Variants in PRTG observed in about 807,000 individuals in gnomAD.
PRTG encodes the protein immunoglobulin superfamily, DCC subclass, member 5.
Under a neutral mutation model 122.5 loss-of-function variants are expected in PRTG, and 67 were observed. That is an observed-to-expected ratio of 0.55 (90% CI 0.45 to 0.67). The LOEUF (loss-of-function observed/expected upper bound fraction) is 0.67, where lower values mean the gene tolerates loss of function less well. PRTG is among the 30% of genes least tolerant of loss of function. PRTG has a pLI of 0.00. For synonymous variants in PRTG, 554 were observed against 501.1 expected (o/e 1.11, Z -1.41); for missense variants, 1,435 against 1,415.4 (o/e 1.01, Z -0.22).
At chr15:55,620,855 A>G (rs1316595251) in intron 18 of PRTG, 88 bp from the exon 19 acceptor site, 1 of 1,091,504 alleles carries the variant, frequency 9.2e-7, no homozygotes, top group East Asian at 2.5e-5. Context: ...AACTTTTACT[A>G]TATGCTTCAC....
chr15:55,629,150 T>A (rs957097439), intron 15 of PRTG, 146 bp from the exon 16 acceptor site: 42 of 531,656 alleles, frequency 7.9e-5, no homozygotes, highest in Admixed American at 7.4e-4. Flanking sequence ...AATAAAAATA[T>A]AAATAAAATT....
chr15:55,696,239 G>A (rs932795017), intron 2 of PRTG, among the ~76,000 whole-genome samples: 1 of 152,102 alleles, frequency 6.6e-6, no homozygotes, highest in African/African-American at 2.4e-5. Flanking sequence ...ACTCCAGCCT[G>A]GATGAGAAGA....
intron 11 of PRTG, among the ~76,000 whole-genome samples, chr15:55,662,559 G>A (rs1410188342): frequency 6.6e-6 from 1 of 152,112 alleles, no homozygotes; most frequent in East Asian, 1.9e-4. Context: ...AAGTAAGAGA[G>A]ACTGATAGAT....
intron 2 of PRTG, among the ~76,000 whole-genome samples, chr15:55,705,514 C>A (rs2030067773): frequency 6.6e-6 from 1 of 152,164 alleles, no homozygotes; most frequent in Admixed American, 6.5e-5. Context: ...AGTGCAGTGG[C>A]GCGATCTCAG....
chr15:55,716,825 T>C (rs1234971147), intron 2 of PRTG, among the ~76,000 whole-genome samples: 1 of 152,162 alleles, frequency 6.6e-6, no homozygotes, highest in Admixed American at 6.5e-5. Flanking sequence ...AAACTATGTA[T>C]CACACATACA....
At chr15:55,621,530 G>A (rs1425322997) in intron 18 of PRTG, among the ~76,000 whole-genome samples, 2 of 151,802 alleles carry the variant, frequency 1.3e-5, no homozygotes, top group Non-Finnish European at 2.9e-5. Context: ...ATGGTAGCGT[G>A]CGCTTCTAGT....
chr15:55,719,088 G>T (rs1001509027), intron 2 of PRTG, among the ~76,000 whole-genome samples: 7 of 151,974 alleles, frequency 4.6e-5, no homozygotes, highest in Admixed American at 1.3e-4. Context: ...TATATAACTG[G>T]TTCTATAAAC....
At chr15:55,697,107 T>C (rs927326579) in intron 2 of PRTG, among the ~76,000 whole-genome samples, 2 of 152,212 alleles carry the variant, frequency 1.3e-5, no homozygotes, top group South Asian at 2.1e-4. Context: ...GGACTCCCCA[T>C]GTTCAATTTA....
At chr15:55,726,100 G>A (rs1428517203) in intron 2 of PRTG, among the ~76,000 whole-genome samples, 1 of 151,992 alleles carries the variant, frequency 6.6e-6, no homozygotes, top group Non-Finnish European at 1.5e-5. Context: ...GTGCCATGAC[G>A]CCCAGCTAAT....
At chr15:55,702,284 A>G (rs1334474416) in intron 2 of PRTG, among the ~76,000 whole-genome samples, 1 of 152,202 alleles carries the variant, frequency 6.6e-6, no homozygotes, top group Non-Finnish European at 1.5e-5. Context: ...GTAGAACTAG[A>G]GACCCCTTTA....
chr15:55,696,753 A>G lies in PRTG; in HGVS notation c.398-12822T>C, dbSNP rs561809153. Among the ~76,000 whole-genome samples, 147 of 152,332 alleles carry G rather than the reference A, an allele frequency of 9.6e-4. 1 individual carries two copies. Among genetic ancestry groups the G allele is most frequent in the Non-Finnish European group, 1.6e-3 (112 of 68,028 alleles). On this transcript the variant is annotated intron_variant, in intron 2 of 19. Transcript: ENST00000389286. ...GTACTAAATATACAACAGCCATTCT[A>G]TAAGTGGTTTATTACCTAATTTCTA...
chr15:55,680,884 T>C (rs1329391025), intron 4 of PRTG, among the ~76,000 whole-genome samples: 1 of 152,132 alleles, frequency 6.6e-6, no homozygotes, highest in Non-Finnish European at 1.5e-5. Flanking sequence ...CCCAAACCCA[T>C]TAGCAGTCAC....
In PRTG at chr15:55,683,938, G is replaced by A. The variant is rs2059556051; in HGVS notation, c.398-7C>T. 1 of 1,610,592 alleles carries A rather than the reference G, an allele frequency of 6.2e-7. No homozygotes were observed. The highest frequency in any genetic ancestry group is 2.2e-5 in the East Asian group (1 of 44,764). On this transcript the variant is annotated splice_region_variant and splice_polypyrimidine_tract_variant and intron_variant, in intron 2 of 19. Coordinates refer to ENST00000389286, the MANE Select transcript of PRTG (RefSeq NM_173814.6). ...ACTTCAAATGCAGAAATAGCTATAA[G>A]ATAAAGTTTGAGAAATTCAGAATAA...
intron 2 of PRTG, among the ~76,000 whole-genome samples, chr15:55,736,667 C>T (rs1431139139): frequency 6.6e-6 from 1 of 152,076 alleles, no homozygotes; most frequent in African/African-American, 2.4e-5. Context: ...AACTCAACCT[C>T]AAAATTTTGG....
At chr15:55,646,711 T>C (rs1446632148) in intron 11 of PRTG, among the ~76,000 whole-genome samples, 1 of 152,152 alleles carries the variant, frequency 6.6e-6, no homozygotes, top group Admixed American at 6.5e-5. Context: ...GATTTAGCAA[T>C]ATATAAAGAT....
intron 9 of PRTG, among the ~76,000 whole-genome samples, 162 bp downstream of exon 9, chr15:55,675,355 TTA>T (rs2141801983): frequency 6.6e-6 from 1 of 152,262 alleles, no homozygotes; most frequent in East Asian, 1.9e-4. Flanking sequence ...CTCTTTATCC[TTA>T]TGTTACTGGC....
At chr15:55,638,230 A>C (rs1167787581) in intron 14 of PRTG, among the ~76,000 whole-genome samples, 1 of 152,126 alleles carries the variant, frequency 6.6e-6, no homozygotes, top group Non-Finnish European at 1.5e-5. Flanking sequence ...GATCATTAAC[A>C]AACATATTAT....
At chr15:55,742,702 G>C (rs1171752226) in intron 1 of PRTG, 136 bp downstream of exon 1, 19 of 1,045,904 alleles carry the variant, frequency 1.8e-5, no homozygotes, top group Admixed American at 7.0e-5. Flanking sequence ...GGGCGAGAGC[G>C]GGGGCCGGGG....
chr15:55,622,779 A>G (rs2059174121), intron 18 of PRTG, among the ~76,000 whole-genome samples: 3 of 151,172 alleles, frequency 2.0e-5, no homozygotes. Context: ...CAGGTGATAC[A>G]CCCACCTTGG....
Sources: allele counts gnomAD v4.1 joint callset (sites outside exome capture counted in the v4.1 genomes callset), GRCh38; gene constraint gnomAD v4.1.1; transcripts MANE v1.5; gene names NCBI Gene and HGNC (gene_info 2026-07-23, HGNC 2026-07-21).